RBFOX1: variants seen among roughly 807,000 people sequenced by gnomAD.
RBFOX1 encodes RNA binding fox-1 homolog 1, also known as RNA binding protein fox-1 homolog 1.
Under a neutral mutation model 57.7 loss-of-function variants are expected in RBFOX1, and 8 were observed. That is an observed-to-expected ratio of 0.14 (90% CI 0.08 to 0.25). The LOEUF is 0.25. RBFOX1 is among the 10% of genes least tolerant of loss of function. RBFOX1 has a pLI of 1.00. For synonymous variants in RBFOX1, 326 were observed against 222.4 expected, an observed-to-expected ratio of 1.47 and a Z score of -4.15; for missense variants, 611 against 548.5, an observed-to-expected ratio of 1.11 and a Z score of -1.14.
intron 2 of RBFOX1, among the ~76,000 whole-genome samples, chr16:6,618,776 C>G (rs897584552): frequency 6.6e-6 from 1 of 152,172 alleles, no homozygotes; most frequent in Non-Finnish European, 1.5e-5. Context: ...AAAGAATCCA[C>G]CAACACAGTG....
intron 2 of RBFOX1, among the ~76,000 whole-genome samples, chr16:6,642,739 AGTT>A (rs1288254549): frequency 1.3e-5 from 2 of 152,110 alleles, no homozygotes; most frequent in Non-Finnish European, 2.9e-5. Flanking sequence ...ATCGTTTTGT[AGTT>A]GTTCTGGCTT....
chr16:6,251,173 C>G (rs952845821), intron 1 of RBFOX1, among the ~76,000 whole-genome samples: 2 of 152,164 alleles, frequency 1.3e-5, no homozygotes, highest in Non-Finnish European at 2.9e-5. Context: ...AACACTAGCA[C>G]TTATTTGGCA....
intron 3 of RBFOX1, among the ~76,000 whole-genome samples, chr16:6,688,902 C>G (rs886562827): frequency 1.3e-4 from 20 of 152,258 alleles, no homozygotes; most frequent in African/African-American, 4.1e-4. Flanking sequence ...GTTTTCTGTT[C>G]CTGTGTCAGT....
At chr16:7,075,841 A>C (rs1397925470) in intron 4 of RBFOX1, among the ~76,000 whole-genome samples, 1 of 151,860 alleles carries the variant, frequency 6.6e-6, no homozygotes, top group African/African-American at 2.4e-5. Context: ...CAGCTTCCCA[A>C]AGTGCTGGGA....
At chr16:6,542,652 G>A (rs1247219500) in intron 2 of RBFOX1, among the ~76,000 whole-genome samples, 1 of 151,654 alleles carries the variant, frequency 6.6e-6, no homozygotes, top group African/African-American at 2.4e-5. Flanking sequence ...ACCATGCCTG[G>A]CGGCTAATTT....
chr16:5,400,920 T>C (rs2066697229), intron 1 of RBFOX1, among the ~76,000 whole-genome samples: 1 of 152,214 alleles, frequency 6.6e-6, no homozygotes, highest in African/African-American at 2.4e-5. Flanking sequence ...ATTTTTCTAT[T>C]GGGGCATTAA....
At chr16:5,881,941 T>C (rs1207126160) in intron 4 of RBFOX1, among the ~76,000 whole-genome samples, 1 of 152,214 alleles carries the variant, frequency 6.6e-6, no homozygotes, top group Non-Finnish European at 1.5e-5. Context: ...GCAGCAGTAA[T>C]AGTAGCAGCT....
chr16:6,286,060 G>T (rs1367587969), intron 1 of RBFOX1, among the ~76,000 whole-genome samples: 1 of 152,118 alleles, frequency 6.6e-6, no homozygotes, highest in Non-Finnish European at 1.5e-5. Flanking sequence ...CACCATTTTG[G>T]CACTGATAAT....
intron 2 of RBFOX1, among the ~76,000 whole-genome samples, chr16:6,638,484 TATA>T (rs1275531086): frequency 6.6e-6 from 1 of 152,146 alleles, no homozygotes; most frequent in African/African-American, 2.4e-5. Flanking sequence ...ACACATTTAT[TATA>T]ATAAAATATG....
At position 6,122,066 on chromosome 16, in the gene RBFOX1, C is replaced by T. The variant is rs2096554331; in HGVS notation, c.-127+102074C>T. 2.0e-5 allele frequency among the ~76,000 whole-genome samples: 3 copies of T among 152,168 alleles called. No individual in the cohort carries two copies. The South Asian group carries it at 6.2e-4, about 32-fold the overall frequency. ...GACTACAGGCATGCACCACCATGTC[C>T]AGCTAATTTTAGTGTTTTTAGTAGA... On this transcript the variant is annotated intron_variant, in intron 1 of 15. Coordinates refer to ENST00000550418, the MANE Select transcript of RBFOX1 (RefSeq NM_018723.4).
At chr16:5,533,502 G>A (rs905224542) in intron 2 of RBFOX1, among the ~76,000 whole-genome samples, 2 of 152,162 alleles carry the variant, frequency 1.3e-5, no homozygotes, top group African/African-American at 2.4e-5. Context: ...GAGTGCTTGT[G>A]TGTATTACAG....
intron 1 of RBFOX1, among the ~76,000 whole-genome samples, chr16:5,273,963 C>T (rs1412223253): frequency 6.6e-6 from 1 of 152,158 alleles, no homozygotes; most frequent in East Asian, 1.9e-4. Flanking sequence ...ACTGAATTTA[C>T]AGAAATAGGA....
intron 1 of RBFOX1, among the ~76,000 whole-genome samples, chr16:5,402,803 C>T (rs190777953): frequency 6.2e-4 from 95 of 152,248 alleles, no homozygotes; most frequent in Non-Finnish European, 8.8e-4. Context: ...TTTCCTCTTC[C>T]CTCTGTTTCA....
chr16:5,524,129 C>G (rs2044138462), intron 2 of RBFOX1, among the ~76,000 whole-genome samples: 1 of 152,206 alleles, frequency 6.6e-6, no homozygotes, highest in South Asian at 2.1e-4. Context: ...AAGACACACT[C>G]TGGGAGGACC....
chr16:5,311,887 C>G (rs1419789775), intron 1 of RBFOX1, among the ~76,000 whole-genome samples: 1 of 152,182 alleles, frequency 6.6e-6, no homozygotes. Context: ...TGTTCCTTCT[C>G]TTGACTCCCA....
intron 3 of RBFOX1, among the ~76,000 whole-genome samples, chr16:6,701,188 A>C (rs1194695054): frequency 6.6e-6 from 1 of 151,530 alleles, no homozygotes; most frequent in Non-Finnish European, 1.5e-5. Flanking sequence ...CTGGGACTTT[A>C]CCTCCTACCT....
Position 6,542,437 on chromosome 16 carries a change from C to G in RBFOX1, c.-63-112166C>G, listed in dbSNP as rs568466406. On this transcript the variant is annotated intron_variant, in intron 2 of 15. Transcript: ENST00000550418. ...CAACAACTGCAGCTAAGAAAGGTGTCTCAGTGGATAATCGCATGATCCACT... is the reference window on the plus strand; with the variant it reads ...CAACAACTGCAGCTAAGAAAGGTGTGTCAGTGGATAATCGCATGATCCACT... Among the ~76,000 whole-genome samples the G allele has an allele frequency of 7.0e-5, 10 of 141,996 alleles. No individual in the cohort carries two copies. The East Asian group carries it at 1.9e-3, about 28-fold the overall frequency. 93.2% of individuals were successfully genotyped at this position (141,996 alleles called of 152,430 possible).
Position 7,025,369 on chromosome 16 carries a change from C to G in RBFOX1, c.-15-26688C>G, listed in dbSNP as rs2169855. ...TGATGGGTTTTGGCTGGCTTCTTTA[C>G]TGCAAACTGTTTTTATCAGCAAGGT... On this transcript the variant is annotated intron_variant, in intron 3 of 15. Coordinates refer to ENST00000550418, the MANE Select transcript of RBFOX1 (RefSeq NM_018723.4). 1.0e-3 allele frequency among the ~76,000 whole-genome samples: 155 copies of G among 152,138 alleles called. 1 individual carries two copies. Among genetic ancestry groups the G allele is most frequent in the African/African-American group, 3.5e-3 (146 of 41,510 alleles).
At chr16:6,551,965 T>C (rs2096998115) in intron 2 of RBFOX1, among the ~76,000 whole-genome samples, 1 of 152,220 alleles carries the variant, frequency 6.6e-6, no homozygotes, top group Non-Finnish European at 1.5e-5. Context: ...GATTTGCCTC[T>C]CATCTTCTAG....
Sources: gnomAD v4.1 joint callset for allele counts (sites outside exome capture counted in the v4.1 genomes callset) on GRCh38, gnomAD v4.1.1 for gene constraint, MANE v1.5 for transcripts, NCBI Gene and HGNC (gene_info 2026-07-23, HGNC 2026-07-21) for gene names.